TRAPPC9: variants seen among roughly 807,000 people sequenced by gnomAD.
TRAPPC9 encodes the protein trafficking protein particle complex subunit 9.
A neutral mutation model predicts 124.0 loss-of-function variants in TRAPPC9; 83 were observed. The ratio of observed to expected loss-of-function variants is 0.67; its 90% CI spans 0.56 to 0.80. The LOEUF (loss-of-function observed/expected upper bound fraction) is 0.80, where lower values mean the gene tolerates loss of function less well. Ranked by LOEUF, TRAPPC9 falls within the 30% of genes least tolerant of loss-of-function variation. The pLI, the probability that TRAPPC9 is intolerant of heterozygous loss-of-function variation, is 0.00. For missense variants in TRAPPC9, 1,302 were observed against 1,508.3 expected (o/e 0.86, Z 2.27); for synonymous variants, 638 against 617.5 (o/e 1.03, Z -0.49).
chr8:140,329,463 G>A (rs930726181), intron 9 of TRAPPC9, among the ~76,000 whole-genome samples: 2 of 152,120 alleles, frequency 1.3e-5, no homozygotes, highest in African/African-American at 4.8e-5. Flanking sequence ...ACACGACAAC[G>A]GTCTGGAAGT....
rs539941233 is a variant in TRAPPC9, at chr8:139,842,320, A to G, written c.3055+43559T>C. Among the ~76,000 whole-genome samples, 225 of 152,320 alleles carry G rather than the reference A, an allele frequency of 1.5e-3. 1 individual carries two copies. The highest frequency in any genetic ancestry group is 5.1e-3 in the African/African-American group (214 of 41,562). ...TAGGCCCAGAGCTTCCCACCTGTGG[A>G]AACTTGCTCTAGAATTTCCACTGCT... On this transcript the variant is annotated intron_variant, in intron 21 of 22. Coordinates refer to ENST00000438773, the MANE Select transcript of TRAPPC9 (RefSeq NM_001160372.4).
chr8:140,284,640 T>A (rs1282750429), intron 13 of TRAPPC9, among the ~76,000 whole-genome samples: 1 of 152,216 alleles, frequency 6.6e-6, no homozygotes, highest in African/African-American at 2.4e-5. Context: ...CACGAGATAA[T>A]TATTATAAAC....
At chr8:139,768,047 A>G (rs1820701064) in intron 21 of TRAPPC9, among the ~76,000 whole-genome samples, 1 of 152,210 alleles carries the variant, frequency 6.6e-6, no homozygotes, top group African/African-American at 2.4e-5. Context: ...CAGATTTATA[A>G]TATGGGCAGT....
chr8:140,188,395 C>T (rs1242004943), intron 17 of TRAPPC9, among the ~76,000 whole-genome samples: 2 of 152,176 alleles, frequency 1.3e-5, no homozygotes, highest in Non-Finnish European at 2.9e-5. Flanking sequence ...AATGGGCCCT[C>T]GGATTAAGTA....
chr8:140,423,713 T>C (rs377157734), intron 5 of TRAPPC9, among the ~76,000 whole-genome samples: 3 of 70,788 alleles, frequency 4.2e-5, no homozygotes, highest in Non-Finnish European at 1.3e-4. Flanking sequence ...TACACATATA[T>C]ACATATATAC....
chr8:139,828,585 G>T (rs1466753940), intron 21 of TRAPPC9, among the ~76,000 whole-genome samples: 4 of 152,198 alleles, frequency 2.6e-5, no homozygotes, highest in Non-Finnish European at 5.9e-5. Flanking sequence ...CCGGCATGGG[G>T]CTGGGCGATG....
At chr8:140,417,522 C>T (rs982267138) in intron 5 of TRAPPC9, among the ~76,000 whole-genome samples, 14 of 152,290 alleles carry the variant, frequency 9.2e-5, no homozygotes, top group East Asian at 1.9e-4. Context: ...TACCATCTCA[C>T]GCTAGTTAGA....
intron 15 of TRAPPC9, among the ~76,000 whole-genome samples, chr8:140,270,948 A>G (rs2064859452): frequency 6.6e-6 from 1 of 152,196 alleles, no homozygotes; most frequent in East Asian, 1.9e-4. Flanking sequence ...GCAGGTGAAG[A>G]CTTTTGCTTC....
At chr8:140,328,649 T>C (rs879458483) in intron 9 of TRAPPC9, among the ~76,000 whole-genome samples, 4 of 151,956 alleles carry the variant, frequency 2.6e-5, no homozygotes, top group Non-Finnish European at 4.4e-5. Context: ...ACTGCTCAGG[T>C]CTCAGAAATC....
At chr8:140,211,530 G>C (rs972674093) in intron 17 of TRAPPC9, among the ~76,000 whole-genome samples, 1 of 152,122 alleles carries the variant, frequency 6.6e-6, no homozygotes, top group Non-Finnish European at 1.5e-5. Flanking sequence ...CTGCATTCTA[G>C]CCTGAGCAAC....
At chr8:140,452,293 A>AGGTAGT (rs2071492646) in intron 1 of TRAPPC9, among the ~76,000 whole-genome samples, 4 of 145,954 alleles carry the variant, frequency 2.7e-5, no homozygotes, top group African/African-American at 7.7e-5. Context: ...GGTGGCAGGC[A>AGGTAGT]CCTGTAGTCC....
At chr8:140,337,188 GCCT>G (rs1176187916) in intron 9 of TRAPPC9, among the ~76,000 whole-genome samples, 1 of 152,162 alleles carries the variant, frequency 6.6e-6, no homozygotes, top group Non-Finnish European at 1.5e-5. Flanking sequence ...ATGCCTTACT[GCCT>G]CCTCCTCGTA....
intron 19 of TRAPPC9, among the ~76,000 whole-genome samples, chr8:139,946,313 T>C (rs903013305): frequency 6.6e-6 from 1 of 152,234 alleles, no homozygotes; most frequent in Admixed American, 6.5e-5. Flanking sequence ...CTCACTTTCA[T>C]CATCTGTTCA....
chr8:140,065,041 T>C (rs1486997067), intron 17 of TRAPPC9, among the ~76,000 whole-genome samples: 4 of 152,226 alleles, frequency 2.6e-5, no homozygotes, highest in South Asian at 2.1e-4. Flanking sequence ...GTTGGTGATC[T>C]TGGCAGTAAG....
At chr8:140,184,127 A>G (rs992333078) in intron 17 of TRAPPC9, among the ~76,000 whole-genome samples, 1 of 152,130 alleles carries the variant, frequency 6.6e-6, no homozygotes, top group Non-Finnish European at 1.5e-5. Flanking sequence ...CTGACAAGAA[A>G]GCAGGACAGC....
chr8:140,052,052 G>A (rs1050861945), intron 17 of TRAPPC9, among the ~76,000 whole-genome samples: 31 of 152,238 alleles, frequency 2.0e-4, no homozygotes, highest in Middle Eastern at 3.4e-3. Context: ...ATCAGGGGCC[G>A]GCCAGGTGAC....
chr8:140,133,391 A>C (rs2061239793), intron 17 of TRAPPC9, among the ~76,000 whole-genome samples: 2 of 152,212 alleles, frequency 1.3e-5, no homozygotes, highest in Admixed American at 6.5e-5. Flanking sequence ...CAACCAGCAA[A>C]ACAGAAACAG....
At position 139,895,380 on chromosome 8, in the gene TRAPPC9, G is replaced by T. The variant is rs573935518; in HGVS notation, c.2965-9411C>A. On this transcript the variant is annotated intron_variant, in intron 20 of 22. Coordinates refer to ENST00000438773, the MANE Select transcript of TRAPPC9 (RefSeq NM_001160372.4). The stretch of plus-strand genomic sequence containing the variant: ...TGCAAAATGTATACATACCTTTTGT[G>T]TAAAAAAAAATTACGGTAAAAAGGG... Among the ~76,000 whole-genome samples, 94 of 152,088 alleles carry T rather than the reference G, an allele frequency of 6.2e-4. 1 individual carries two copies. Among genetic ancestry groups the T allele is most frequent in the Non-Finnish European group, 5.4e-4 (37 of 67,978 alleles).
intron 18 of TRAPPC9, among the ~76,000 whole-genome samples, chr8:140,010,079 T>C (rs1296678659): frequency 6.6e-6 from 1 of 152,230 alleles, no homozygotes; most frequent in South Asian, 2.1e-4. Flanking sequence ...TTATGACTTT[T>C]TGTAAGTCTT....
Sources: gnomAD v4.1 joint callset for allele counts (sites outside exome capture counted in the v4.1 genomes callset) on GRCh38, gnomAD v4.1.1 for gene constraint, MANE v1.5 for transcripts, NCBI Gene and HGNC (gene_info 2026-07-23, HGNC 2026-07-21) for gene names.